BMS1: variants seen among roughly 807,000 people sequenced by gnomAD.
The protein encoded by BMS1 is BMS1 ribosome biogenesis factor.
A neutral mutation model predicts 138.7 loss-of-function variants in BMS1; 53 were observed. That is an observed-to-expected ratio of 0.38 (90% CI 0.31 to 0.48). BMS1 has a LOEUF of 0.48. BMS1 is among the 20% of genes least tolerant of loss of function. The probability of loss-of-function intolerance (pLI) is 0.97; values close to 1 mark genes in which losing one functional copy is unlikely to be tolerated. For missense variants in BMS1, 1,360 were observed against 1,565.5 expected (o/e 0.87, Z 2.22); for synonymous variants, 504 against 539.9 (o/e 0.93, Z 0.92).
At chr10:42,802,366 T>C in intron 13 of BMS1, 148 bp downstream of exon 13, 1 of 614,528 alleles carries the variant, frequency 1.6e-6, no homozygotes, top group Non-Finnish European at 2.6e-6. Context: ...GGTAATATTC[T>C]GGGTTTTCCT....
chr10:42,830,827 G>C, intron 22 of BMS1, 39 bp from the exon 23 acceptor site: 1 of 1,553,102 alleles, frequency 6.4e-7, no homozygotes, highest in Non-Finnish European at 8.8e-7. Flanking sequence ...TGTGGTGTCT[G>C]AGAGCATTCT....
At chr10:42,829,763 A>AG (rs1486511909) in intron 21 of BMS1, among the ~76,000 whole-genome samples, 30 of 151,652 alleles carry the variant, frequency 2.0e-4, no homozygotes, top group Non-Finnish European at 3.8e-4. Context: ...TGGAGGTTGC[A>AG]TGAGCCGAGA....
intron 13 of BMS1, among the ~76,000 whole-genome samples, chr10:42,814,253 G>T (rs1307771902): frequency 6.6e-6 from 1 of 152,116 alleles, no homozygotes; most frequent in Non-Finnish European, 1.5e-5. Flanking sequence ...TGTCCCACAG[G>T]TCCGTGCAGC....
At chr10:42,812,280 G>T (rs190105072) in intron 13 of BMS1, among the ~76,000 whole-genome samples, 4 of 152,172 alleles carry the variant, frequency 2.6e-5, no homozygotes, top group Non-Finnish European at 5.9e-5. Flanking sequence ...TGAATAGCTG[G>T]TACTATAGGT....
chr10:42,799,046 C>A (rs1841789865), intron 12 of BMS1, among the ~76,000 whole-genome samples: 1 of 152,216 alleles, frequency 6.6e-6, no homozygotes, highest in Admixed American at 6.5e-5. Context: ...TTTGTAGTCA[C>A]ACTGGAATTC....
intron 13 of BMS1, among the ~76,000 whole-genome samples, chr10:42,802,791 A>G (rs1841909766): frequency 6.6e-6 from 1 of 150,460 alleles, no homozygotes; most frequent in African/African-American, 2.4e-5. Flanking sequence ...AAAATATTTT[A>G]TTTAAAATAA....
At chr10:42,828,623 T>A (rs1454636493) in intron 21 of BMS1, among the ~76,000 whole-genome samples, 3 of 152,192 alleles carry the variant, frequency 2.0e-5, no homozygotes, top group Non-Finnish European at 4.4e-5. Context: ...GTTTTTTTTT[T>A]TTTATTTTAG....
intron 13 of BMS1, among the ~76,000 whole-genome samples, chr10:42,803,329 G>A (rs1193493457): frequency 1.3e-5 from 2 of 152,034 alleles, no homozygotes; most frequent in Non-Finnish European, 2.9e-5. Context: ...TGTACAGATG[G>A]GGGTCTTGCC....
chr10:42,812,057 A>G (rs531133741), intron 13 of BMS1, among the ~76,000 whole-genome samples: 1 of 152,096 alleles, frequency 6.6e-6, no homozygotes. Context: ...GTAGATTTCT[A>G]TTGACTTTAA....
Position 42,796,460 on chromosome 10 carries a change from C to T in BMS1, c.1230-14C>T. On this transcript the variant is annotated splice_polypyrimidine_tract_variant and intron_variant, in intron 9 of 22. Transcript: ENST00000374518. ...GTACAAATTGAATTATTTTGTATTT[C>T]CTTGGTAATACAGGCTAATGATGCC... is the stretch of plus-strand genomic sequence containing the variant. 1.3e-6 allele frequency: 2 copies of T among 1,595,588 alleles called. No homozygotes were observed. The highest frequency in any genetic ancestry group is 1.7e-5 in the Admixed American group (1 of 58,448).
At position 42,834,011 on chromosome 10, in the gene BMS1, T is replaced by C. The variant is rs186413738; in HGVS notation, c.*2915T>C. On this transcript the variant is annotated 3_prime_UTR_variant, in exon 23 of 23. Coordinates refer to ENST00000374518, the MANE Select transcript of BMS1 (RefSeq NM_014753.4). The stretch of plus-strand genomic sequence containing the variant: ...AAGTAAGCATTTGCCCTCTGAAATA[T>C]TTTAACAATGTTTATAGAAACCTTT... 5 of 152,214 alleles carry C rather than the reference T, an allele frequency of 3.3e-5. No individual in the cohort carries two copies. Among genetic ancestry groups the C allele is most frequent in the Non-Finnish European group, 7.3e-5 (5 of 68,034 alleles). 9.4% of individuals were successfully genotyped at this position (152,214 alleles called of 1,614,324 possible).
intron 13 of BMS1, among the ~76,000 whole-genome samples, chr10:42,807,185 C>T (rs1020519460): frequency 6.6e-6 from 1 of 152,226 alleles, no homozygotes; most frequent in Non-Finnish European, 1.5e-5. Context: ...AACACACCCA[C>T]GTCCCTGCTG....
chr10:42,817,608 T>C (rs1842386325), intron 15 of BMS1, 114 bp downstream of exon 15: 11 of 1,048,200 alleles, frequency 1.0e-5, no homozygotes, highest in Admixed American at 2.7e-5. Flanking sequence ...CCTGCTTCTG[T>C]GCCTTTCATT....
Position 42,820,501 on chromosome 10 carries a change from C to T in BMS1, c.2770-7C>T. 1 of 1,610,092 alleles carries T rather than the reference C, an allele frequency of 6.2e-7. No individual in the cohort carries two copies. The highest frequency in any genetic ancestry group is 8.5e-7 in the Non-Finnish European group (1 of 1,178,918). On this transcript the variant is annotated splice_region_variant and splice_polypyrimidine_tract_variant and intron_variant, in intron 16 of 22. Transcript: ENST00000374518. ...CCATCAATCATCTTACCCTCTCGTC[C>T]CCTCAGATGCGTCTGAAGAAACATC...
At chr10:42,800,828 A>G (rs1370642302) in intron 12 of BMS1, among the ~76,000 whole-genome samples, 3 of 152,100 alleles carry the variant, frequency 2.0e-5, no homozygotes, top group Non-Finnish European at 4.4e-5. Context: ...CACCCAGCCC[A>G]TGCTTGATTT....
chr10:42,795,554 C>T (rs983108976), intron 9 of BMS1, among the ~76,000 whole-genome samples: 4 of 151,622 alleles, frequency 2.6e-5, no homozygotes, highest in Admixed American at 2.6e-4. Flanking sequence ...CTCCTGGGCT[C>T]AAGCAATCCT....
In BMS1 at chr10:42,834,781, G is replaced by A. The variant is rs1199025422; in HGVS notation, c.*3685G>A. The A allele has an allele frequency of 1.3e-5, 2 of 152,116 alleles. No individual in the cohort carries two copies. The highest frequency in any genetic ancestry group is 4.8e-5 in the African/African-American group (2 of 41,418). The allele number at this position is 152,116 out of a possible 1,614,324, so 9.4% of individuals were successfully genotyped here. Reference sequence around the variant, plus strand: ...AAATAAGGTTGCCAACTGGCATGTAGAGAGAAAAGGATGTGTCATACATTT... The same window carrying A: ...AAATAAGGTTGCCAACTGGCATGTAAAGAGAAAAGGATGTGTCATACATTT... On this transcript the variant is annotated 3_prime_UTR_variant, in exon 23 of 23. Transcript: ENST00000374518.
At chr10:42,811,434 T>C (rs2132353272) in intron 13 of BMS1, among the ~76,000 whole-genome samples, 1 of 152,012 alleles carries the variant, frequency 6.6e-6, no homozygotes, top group South Asian at 2.1e-4. Context: ...TTATCTTTTC[T>C]CATTTCTAAT....
In BMS1 at chr10:42,788,557, C is replaced by T. The variant is rs1841408662; in HGVS notation, c.447+1310C>T. ...GAATTATATAATAAATTATAGTCACCCTATTGTGCTGTTGAACACCAGAAT... is the reference window on the plus strand; with the variant it reads ...GAATTATATAATAAATTATAGTCACTCTATTGTGCTGTTGAACACCAGAAT... On this transcript the variant is annotated intron_variant, in intron 4 of 22. Transcript: ENST00000374518. Among the ~76,000 whole-genome samples, 3 of 151,198 alleles carry T rather than the reference C, an allele frequency of 2.0e-5. No homozygotes were observed. In the East Asian group the frequency reaches 5.8e-4, roughly 29 times the overall value.
Sources: allele counts gnomAD v4.1 joint callset (sites outside exome capture counted in the v4.1 genomes callset), GRCh38; gene constraint gnomAD v4.1.1; transcripts MANE v1.5; gene names NCBI Gene and HGNC (gene_info 2026-07-23, HGNC 2026-07-21).